Variants in MAP4 observed in about 807,000 individuals in gnomAD.
MAP4 encodes the protein microtubule-associated protein 4.
MAP4 carries 76 observed loss-of-function variants against 170.2 expected under a neutral mutation model. The observed-to-expected ratio is 0.45, with a 90% CI of 0.37 to 0.54. The LOEUF (loss-of-function observed/expected upper bound fraction) is 0.54, where lower values mean the gene tolerates loss of function less well. Among genes scored for constraint, MAP4 ranks in the 20% least tolerant of loss-of-function variants. The pLI is 0.00. For synonymous variants in MAP4, 909 were observed against 994.5 expected (o/e 0.91, Z 1.62); for missense variants, 2,506 against 2,748.0 (o/e 0.91, Z 1.97).
chr3:47,984,660 T>C (rs1476856799), intron 2 of MAP4, among the ~76,000 whole-genome samples: 2 of 151,190 alleles, frequency 1.3e-5, no homozygotes, highest in East Asian at 2.0e-4. Context: ...CACAAAACCC[T>C]GTCTCTATTA....
intron 10 of MAP4, among the ~76,000 whole-genome samples, chr3:47,896,208 A>C (rs1442809643): frequency 6.6e-6 from 1 of 152,210 alleles, no homozygotes; most frequent in Non-Finnish European, 1.5e-5. Context: ...CAAATACATA[A>C]TGTATCTACT....
At chr3:47,853,665 C>T (rs190498668) in intron 19 of MAP4, among the ~76,000 whole-genome samples, 7 of 152,316 alleles carry the variant, frequency 4.6e-5, no homozygotes, top group Middle Eastern at 3.4e-3. Flanking sequence ...GTACCAAAGA[C>T]GTAGCCATGA....
At chr3:47,856,853 G>C (rs1429287076) in intron 18 of MAP4, among the ~76,000 whole-genome samples, 4 of 152,220 alleles carry the variant, frequency 2.6e-5, no homozygotes, top group Admixed American at 2.6e-4. Context: ...GTAGACCCAG[G>C]AACTAGGACA....
chr3:47,975,070 A>G (rs1185074086), intron 3 of MAP4: 11 of 1,043,076 alleles, frequency 1.1e-5, no homozygotes, highest in African/African-American at 1.7e-5. Context: ...TGAACATTTG[A>G]AAACCAAAGG....
intron 10 of MAP4, among the ~76,000 whole-genome samples, chr3:47,899,323 A>G (rs1042240559): frequency 6.6e-6 from 1 of 152,152 alleles, no homozygotes; most frequent in Admixed American, 6.5e-5. Flanking sequence ...TATTTTTAGT[A>G]TACACAGGGT....
intron 1 of MAP4, among the ~76,000 whole-genome samples, chr3:48,069,182 C>T (rs1240672231): frequency 7.2e-5 from 11 of 152,080 alleles, no homozygotes; most frequent in African/African-American, 2.7e-4. Flanking sequence ...GCCAATTTGC[C>T]ATCTATATAA....
chr3:48,024,424 C>T (rs1373224821), intron 1 of MAP4, among the ~76,000 whole-genome samples: 2 of 152,108 alleles, frequency 1.3e-5, no homozygotes, highest in African/African-American at 4.8e-5. Context: ...TTCCTATTTC[C>T]CTTGGAGTTA....
chr3:48,022,789 G>A (rs993214228), intron 1 of MAP4, among the ~76,000 whole-genome samples: 1 of 152,126 alleles, frequency 6.6e-6, no homozygotes, highest in Admixed American at 6.5e-5. Flanking sequence ...TACTCAGGGG[G>A]CTGAGGCAGA....
At chr3:48,034,501 G>A (rs537048399) in intron 1 of MAP4, among the ~76,000 whole-genome samples, 7 of 150,928 alleles carry the variant, frequency 4.6e-5, no homozygotes, top group African/African-American at 1.5e-4. Context: ...TCAGGAGTTC[G>A]AGACCAGCCT....
intron 3 of MAP4, among the ~76,000 whole-genome samples, chr3:47,957,487 T>C (rs551465941): frequency 6.6e-6 from 1 of 152,162 alleles, no homozygotes; most frequent in African/African-American, 2.4e-5. Context: ...AAAGATGTAT[T>C]TTTAAAATAG....
At chr3:48,080,254 A>T (rs1559916268) in intron 1 of MAP4, among the ~76,000 whole-genome samples, 1 of 152,250 alleles carries the variant, frequency 6.6e-6, no homozygotes, top group Non-Finnish European at 1.5e-5. Context: ...GGTAGCAACC[A>T]GCTGTGAAGT....
chr3:48,048,300 C>T (rs1316614363), intron 1 of MAP4, among the ~76,000 whole-genome samples: 1 of 152,228 alleles, frequency 6.6e-6, no homozygotes, highest in South Asian at 2.1e-4. Flanking sequence ...TGGAGCAAGT[C>T]ATCACCTTCC....
intron 10 of MAP4, among the ~76,000 whole-genome samples, chr3:47,883,641 T>C (rs193152170): frequency 6.6e-6 from 1 of 152,386 alleles, no homozygotes; most frequent in East Asian, 1.9e-4. Flanking sequence ...TCTAAGGGTA[T>C]GTCTACTAGC....
chr3:48,056,112 T>TGG (rs1387060724), intron 1 of MAP4, among the ~76,000 whole-genome samples: 8 of 96,430 alleles, frequency 8.3e-5, no homozygotes, highest in Non-Finnish European at 1.1e-4. Flanking sequence ...GGGAGGGAGG[T>TGG]GGGGGGGGGT....
rs1424848773 is a variant in MAP4 at position 47,912,143 on chromosome 3, C to T, written c.2278G>A (p.Asp760Asn). The change falls in exon 9 of 21, where the codon GAT becomes AAT. Residue 760 changes from aspartate to asparagine, a missense_variant. Asp to Asn is a conservative substitution (Grantham distance 23, BLOSUM62 1). Transcript: ENST00000683076. ...PQRDLGREAW[D>N]IESTPIMMKK... ...ATCATTATTGGTGTGCTTTCTATAT[C>T]CCAGGCCTCCCTGCCAAGATCCCTC... is the stretch of plus-strand genomic sequence containing the variant. 6.5e-7 allele frequency: 1 copy of T among 1,536,036 alleles called. No individual in the cohort carries two copies. The highest frequency in any genetic ancestry group is 8.7e-7 in the Non-Finnish European group (1 of 1,146,922).
chr3:47,877,290 C>A, intron 11 of MAP4, 127 bp downstream of exon 11: 1 of 707,116 alleles, frequency 1.4e-6, no homozygotes, highest in Non-Finnish European at 2.5e-6. Context: ...TAAGCATGTC[C>A]AAACATGAGG....
intron 1 of MAP4, among the ~76,000 whole-genome samples, chr3:48,086,869 A>G (rs1399058890): frequency 6.6e-6 from 1 of 152,170 alleles, no homozygotes; most frequent in East Asian, 1.9e-4. Context: ...TTTACTTTGC[A>G]TGAATAAATT....
intron 3 of MAP4, among the ~76,000 whole-genome samples, chr3:47,934,122 G>C (rs1472482170): frequency 6.6e-6 from 1 of 152,164 alleles, no homozygotes; most frequent in Non-Finnish European, 1.5e-5. Context: ...ACAGACTCAG[G>C]CACTGGGTAA....
intron 1 of MAP4, among the ~76,000 whole-genome samples, chr3:48,007,651 C>T (rs143004491): frequency 6.6e-4 from 99 of 150,252 alleles, no homozygotes; most frequent in African/African-American, 2.3e-3. Context: ...CAAGGCCCTG[C>T]CATCTTCTAC....
Sources: allele counts gnomAD v4.1 joint callset (sites outside exome capture counted in the v4.1 genomes callset), GRCh38; gene constraint gnomAD v4.1.1; transcripts MANE v1.5; gene names NCBI Gene and HGNC (gene_info 2026-07-23, HGNC 2026-07-21).